EIF4G3: variants seen among roughly 807,000 people sequenced by gnomAD.
EIF4G3 encodes eIF-4-gamma 3.
In EIF4G3, 34 loss-of-function variants were observed where a neutral mutation model predicts 186.4. The ratio of observed to expected loss-of-function variants is 0.18; its 90% CI spans 0.14 to 0.24. The LOEUF is 0.24. EIF4G3 is among the 10% of genes least tolerant of loss of function. The pLI is 1.00. For missense variants in EIF4G3, 1,536 were observed against 1,948.5 expected (o/e 0.79, Z 3.99); for synonymous variants, 673 against 679.5 (o/e 0.99, Z 0.15).
chr1:20,904,824 C>T (rs2091577521), intron 15 of EIF4G3, 59 bp downstream of exon 15: 1 of 1,314,558 alleles, frequency 7.6e-7, no homozygotes, highest in African/African-American at 1.5e-5. Context: ...GGTATAAACA[C>T]ATACCTGTCT....
chr1:21,009,406 C>A (rs967154008), intron 4 of EIF4G3, among the ~76,000 whole-genome samples: 1 of 152,088 alleles, frequency 6.6e-6, no homozygotes, highest in African/African-American at 2.4e-5. Flanking sequence ...GTCTCAAATT[C>A]CTGGCTTCTA....
At chr1:20,962,423 A>G (rs1305800704) in intron 12 of EIF4G3, among the ~76,000 whole-genome samples, 1 of 152,220 alleles carries the variant, frequency 6.6e-6, no homozygotes, top group Non-Finnish European at 1.5e-5. Context: ...TATCAGTATC[A>G]TAAGTTTACA....
chr1:21,109,075 G>A (rs903868858), intron 2 of EIF4G3, among the ~76,000 whole-genome samples: 1 of 151,956 alleles, frequency 6.6e-6, no homozygotes, highest in South Asian at 2.1e-4. Context: ...AAAATTAGCT[G>A]GGCATAGTGG....
chr1:20,819,897 A>AGAGAGGG (rs989189377), intron 33 of EIF4G3, among the ~76,000 whole-genome samples: 3 of 152,092 alleles, frequency 2.0e-5, no homozygotes, highest in African/African-American at 7.2e-5. Context: ...AGGAAAGAGG[A>AGAGAGGG]GAGAGGGGAG....
intron 2 of EIF4G3, among the ~76,000 whole-genome samples, chr1:21,128,493 G>C (rs1357168278): frequency 6.6e-6 from 1 of 151,750 alleles, no homozygotes; most frequent in African/African-American, 2.4e-5. Context: ...TGGGTGACAA[G>C]AGCAAAACTC....
At chr1:21,087,004 T>C (rs144559296) in intron 3 of EIF4G3, among the ~76,000 whole-genome samples, 68 of 151,816 alleles carry the variant, frequency 4.5e-4, no homozygotes, top group African/African-American at 1.6e-3. Context: ...AAATTATATG[T>C]AAACACTATG....
chr1:20,859,427 G>A (rs1272327791), intron 24 of EIF4G3, among the ~76,000 whole-genome samples: 1 of 152,190 alleles, frequency 6.6e-6, no homozygotes, highest in Non-Finnish European at 1.5e-5. Flanking sequence ...GAGCTCTACT[G>A]TGTCTGTGAC....
At chr1:20,960,038 G>A (rs1040631925) in intron 12 of EIF4G3, among the ~76,000 whole-genome samples, 1 of 151,920 alleles carries the variant, frequency 6.6e-6, no homozygotes, top group African/African-American at 2.4e-5. Flanking sequence ...CCCCACTACT[G>A]GGTATCTACA....
intron 29 of EIF4G3, among the ~76,000 whole-genome samples, chr1:20,844,775 T>C (rs1330129533): frequency 2.6e-5 from 4 of 152,184 alleles, no homozygotes; most frequent in Non-Finnish European, 5.9e-5. Context: ...GAGGTTGCAG[T>C]GAGCCAAGAT....
chr1:21,053,453 C>G (rs2094385014), intron 3 of EIF4G3, among the ~76,000 whole-genome samples: 1 of 150,478 alleles, frequency 6.6e-6, no homozygotes, highest in Non-Finnish European at 1.5e-5. Context: ...GCCGCCCCGT[C>G]CGGGAGGTGA....
intron 33 of EIF4G3, among the ~76,000 whole-genome samples, chr1:20,819,545 C>T (rs2061810664): frequency 1.3e-5 from 2 of 152,140 alleles, no homozygotes; most frequent in South Asian, 4.1e-4. Context: ...GCAGCCTTGA[C>T]CTCCCAGGCC....
chr1:20,809,227 C>G (rs1458152296), intron 36 of EIF4G3, among the ~76,000 whole-genome samples: 1 of 151,946 alleles, frequency 6.6e-6, no homozygotes, highest in Non-Finnish European at 1.5e-5. Context: ...CATGCCTCGG[C>G]CTTTTTTTAA....
intron 4 of EIF4G3, among the ~76,000 whole-genome samples, chr1:21,017,690 C>G (rs1352192693): frequency 6.9e-6 from 1 of 144,732 alleles, no homozygotes; most frequent in Non-Finnish European, 1.5e-5. Flanking sequence ...GCTCCAAAAT[C>G]TGTAAATTTG....
intron 2 of EIF4G3, among the ~76,000 whole-genome samples, chr1:21,100,598 C>T (rs2096493467): frequency 6.6e-6 from 1 of 152,026 alleles, no homozygotes; most frequent in Middle Eastern, 3.2e-3. Context: ...CACAGTTTCA[C>T]GTGCCTATAG....
intron 2 of EIF4G3, among the ~76,000 whole-genome samples, chr1:21,158,378 G>A (rs2097699898): frequency 1.3e-5 from 2 of 151,438 alleles, no homozygotes; most frequent in Non-Finnish European, 1.5e-5. Context: ...GTTTTGCCAT[G>A]TTGCCCAGGG....
At chr1:20,993,436 TG>T (rs2081559465) in intron 7 of EIF4G3, among the ~76,000 whole-genome samples, 1 of 68,940 alleles carries the variant, frequency 1.5e-5, no homozygotes, top group Non-Finnish European at 4.2e-5. Flanking sequence ...CTAAACTGGA[TG>T]ATGTTTTCTT....
At position 20,992,667 on chromosome 1, in the gene EIF4G3, A is replaced by G. The variant is rs569778719; in HGVS notation, c.177+4934T>C. Among the ~76,000 whole-genome samples, 16 of 152,336 alleles carry G rather than the reference A, an allele frequency of 1.1e-4. 1 individual carries two copies. In the South Asian group the frequency reaches 3.3e-3, roughly 32 times the overall value. On this transcript the variant is annotated intron_variant, in intron 7 of 36. Coordinates refer to ENST00000602326, the MANE Select transcript of EIF4G3 (RefSeq NM_001391906.1). ...TGAAAAGTATGTGAACCAAAATCAT[A>G]TATCAAAAAACTGCACAGTGTTTTG...
chr1:20,987,786 A>G (rs2079925303), intron 7 of EIF4G3, among the ~76,000 whole-genome samples: 2 of 152,198 alleles, frequency 1.3e-5, no homozygotes, highest in Admixed American at 6.5e-5. Context: ...TAATAACTGA[A>G]CAGTGGCCTC....
chr1:20,992,200 ATCATAATTTAAGATG>A (rs1158546865), intron 7 of EIF4G3, among the ~76,000 whole-genome samples: 2 of 152,180 alleles, frequency 1.3e-5, no homozygotes, highest in Non-Finnish European at 2.9e-5. Context: ...AGTTCATAAG[ATCATAATTTAAGATG>A]TCATAAGGTC....
Sources: allele counts gnomAD v4.1 joint callset (sites outside exome capture counted in the v4.1 genomes callset), GRCh38; gene constraint gnomAD v4.1.1; transcripts MANE v1.5; gene names NCBI Gene and HGNC (gene_info 2026-07-23, HGNC 2026-07-21).